The following TTC39B variants were observed in gnomAD, a reference collection of about 807,000 sequenced individuals.
The protein encoded by TTC39B is tetratricopeptide repeat protein 39B.
TTC39B carries 92 observed loss-of-function variants against 96.6 expected under a neutral mutation model. The observed-to-expected ratio is 0.95, with a 90% CI of 0.80 to 1.13. The LOEUF (loss-of-function observed/expected upper bound fraction) is 1.13. Among genes scored for constraint, TTC39B ranks in the 50% most tolerant of loss-of-function variants. TTC39B has a pLI of 0.00. For synonymous variants in TTC39B, 367 were observed against 299.4 expected (o/e 1.23, Z -2.33); for missense variants, 955 against 809.3 (o/e 1.18, Z -2.18).
At chr9:15,199,697 T>A (rs559586040) in intron 8 of TTC39B, among the ~76,000 whole-genome samples, 164 bp downstream of exon 8, 1 of 113,500 alleles carries the variant, frequency 8.8e-6, no homozygotes, top group Non-Finnish European at 1.6e-5. Flanking sequence ...ATTGCGCCAC[T>A]GCACTCCAAC....
chr9:15,167,011 TATATATATA>T (rs1564299835), exon 20 of TTC39B: 272 of 9,276 alleles, frequency 0.029, 38 homozygotes, highest in Non-Finnish European at 0.04. Context: ...TATATATATA[TATATATATA>T]TATATATATT....
intron 6 of TTC39B, among the ~76,000 whole-genome samples, chr9:15,205,188 G>A (rs541135366): frequency 1.3e-5 from 2 of 152,192 alleles, no homozygotes; most frequent in African/African-American, 4.8e-5. Flanking sequence ...ATGATACAGA[G>A]TAAGCACTGG....
intron 4 of TTC39B, 151 bp from the exon 5 acceptor site, chr9:15,211,548 T>A: frequency 1.5e-6 from 1 of 668,346 alleles, no homozygotes; most frequent in Non-Finnish European, 2.2e-6. Context: ...AGTAACCTCT[T>A]AAAAACTCAA....
intron 2 of TTC39B, among the ~76,000 whole-genome samples, chr9:15,251,795 T>G (rs1051031990): frequency 7.4e-5 from 11 of 148,878 alleles, no homozygotes; most frequent in African/African-American, 2.4e-4. Flanking sequence ...CTATTTTAAA[T>G]TACCCTTTTC....
chr9:15,257,053 C>T (rs1213207312), intron 2 of TTC39B, among the ~76,000 whole-genome samples: 1 of 152,182 alleles, frequency 6.6e-6, no homozygotes, highest in African/African-American at 2.4e-5. Context: ...AATTTGAGCA[C>T]TGACCAGTTA....
chr9:15,166,995 TATATATATATATATATATATATATATA>T (rs1564299658), exon 20 of TTC39B: 78 of 5,316 alleles, frequency 0.015, 6 homozygotes, highest in African/African-American at 0.055. Context: ...TATATATATA[TATATATATATATATATATATATATATA>T]TATATATTTT....
chr9:15,197,361 T>C (rs1164055204), intron 8 of TTC39B, among the ~76,000 whole-genome samples: 1 of 152,196 alleles, frequency 6.6e-6, no homozygotes, highest in Non-Finnish European at 1.5e-5. Context: ...TACAACAGCA[T>C]GTCAGGTACC....
At chr9:15,164,912 T>G (rs7023157) in exon 20 of TTC39B, 1 of 152,236 alleles carries the variant, frequency 6.6e-6, no homozygotes, top group African/African-American at 2.4e-5. Flanking sequence ...ACCATTAAAT[T>G]TAACCAACAG....
At chr9:15,170,282 T>C (rs1279889793) in exon 20 of TTC39B, 1 of 99,012 alleles carries the variant, frequency 1.0e-5, no homozygotes, top group Non-Finnish European at 2.1e-5. Context: ...CAGGTCCATG[T>C]GGCAGGGAAC....
chr9:15,218,953 C>A (rs1459890753), intron 3 of TTC39B, among the ~76,000 whole-genome samples: 2 of 152,170 alleles, frequency 1.3e-5, no homozygotes, highest in African/African-American at 2.4e-5. Context: ...CTCTAGCAAT[C>A]ATAATTTTTA....
chr9:15,176,021 C>T (rs1441747723), intron 18 of TTC39B, among the ~76,000 whole-genome samples: 1 of 152,138 alleles, frequency 6.6e-6, no homozygotes, highest in Non-Finnish European at 1.5e-5. Flanking sequence ...AATCAATAAC[C>T]AATAGGCCTG....
At chr9:15,240,591 T>C (rs1821995398) in intron 2 of TTC39B, among the ~76,000 whole-genome samples, 1 of 152,228 alleles carries the variant, frequency 6.6e-6, no homozygotes, top group Non-Finnish European at 1.5e-5. Context: ...TAAGTCTATA[T>C]TCATGAAGGG....
intron 2 of TTC39B, among the ~76,000 whole-genome samples, chr9:15,259,824 CAA>C (rs1436433837): frequency 6.6e-6 from 1 of 152,004 alleles, no homozygotes; most frequent in Non-Finnish European, 1.5e-5. Context: ...TGTGTAGACA[CAA>C]AATAATACAT....
intron 1 of TTC39B, among the ~76,000 whole-genome samples, chr9:15,274,730 C>T (rs1396359155): frequency 6.7e-6 from 1 of 148,782 alleles, no homozygotes; most frequent in Non-Finnish European, 1.5e-5. Context: ...AAAACTAACA[C>T]TAAGTTTATC....
chr9:15,287,114 T>C (rs1207323409), intron 1 of TTC39B, among the ~76,000 whole-genome samples: 1 of 152,238 alleles, frequency 6.6e-6, no homozygotes, highest in Non-Finnish European at 1.5e-5. Flanking sequence ...GTCTGCTTGA[T>C]TTGCCATTCT....
Position 15,188,021 on chromosome 9 carries a change from GCA to G in TTC39B, c.1343_1344del (p.Met448ThrfsTer14). The G allele has an allele frequency of 1.9e-6, 3 of 1,612,532 alleles. No homozygotes were observed. Among genetic ancestry groups the G allele is most frequent in the Non-Finnish European group, 2.5e-6 (3 of 1,179,306 alleles). ...AGCAGATCTGAATAGTAATATGCCTGCATCCAGTTTTGTTGGAAAACATTAAT... is the reference window on the plus strand; with the variant it reads ...AGCAGATCTGAATAGTAATATGCCTGTCCAGTTTTGTTGGAAAACATTAAT... On this transcript the variant is annotated frameshift_variant, in exon 14 of 20. Coordinates refer to ENST00000512701, the Ensembl canonical transcript of TTC39B. LOFTEE classifies it high-confidence loss of function.
At chr9:15,190,575 T>C (rs1464148252) in exon 11 of TTC39B, 2 of 1,613,938 alleles carry the variant, frequency 1.2e-6, no homozygotes, top group Non-Finnish European at 8.5e-7. Context: ...GAGATGTAAG[T>C]ATGAAAAGCT....
intron 1 of TTC39B, among the ~76,000 whole-genome samples, chr9:15,271,046 A>G (rs1476431922): frequency 6.6e-6 from 1 of 152,192 alleles, no homozygotes; most frequent in Non-Finnish European, 1.5e-5. Flanking sequence ...CACAGTGAAG[A>G]AACTGGGGTT....
exon 20 of TTC39B, chr9:15,166,982 TTATATATATATATATATATA>T (rs1174714919): frequency 9.9e-5 from 2 of 20,280 alleles, no homozygotes; most frequent in Non-Finnish European, 1.8e-4. Flanking sequence ...AACCTTTATT[TTATATATATATATATATATA>T]TATATATATA....
Sources: allele counts gnomAD v4.1 joint callset (sites outside exome capture counted in the v4.1 genomes callset), GRCh38; gene constraint gnomAD v4.1.1; transcripts MANE v1.5; gene names NCBI Gene and HGNC (gene_info 2026-07-23, HGNC 2026-07-21).